The following PRR11 variants were observed in gnomAD, a reference collection of about 807,000 sequenced individuals.
PRR11 encodes the protein proline-rich protein 11.
Under a neutral mutation model 45.6 loss-of-function variants are expected in PRR11, and 30 were observed. The observed-to-expected ratio is 0.66, with a 90% CI of 0.49 to 0.89. The LOEUF (loss-of-function observed/expected upper bound fraction) is 0.89, where lower values mean the gene tolerates loss of function less well. Ranked by LOEUF, PRR11 falls within the 40% of genes least tolerant of loss-of-function variation. The pLI is 0.00. For missense variants in PRR11, 373 were observed against 424.8 expected (o/e 0.88, Z 1.07); for synonymous variants, 128 against 153.5 (o/e 0.83, Z 1.23).
At chr17:59,179,747 C>T in intron 2 of PRR11, 1 of 1,397,410 alleles carries the variant, frequency 7.2e-7, no homozygotes, top group South Asian at 1.1e-5. Flanking sequence ...CTCCGCCACC[C>T]AGGTCTCCTC....
rs1412639005 is a variant in PRR11, at chr17:59,205,917, G to A, written c.*4286G>A. On this transcript the variant is annotated 3_prime_UTR_variant, in exon 10 of 10. Coordinates refer to ENST00000262293, the MANE Select transcript of PRR11 (RefSeq NM_018304.4). ...TATATAAAAATTATCTGGGTGTGGT[G>A]GCATGTGCCTATAGTCTCAGCTTCT... 2.6e-5 allele frequency among the ~76,000 whole-genome samples: 4 copies of A among 151,774 alleles called. No homozygotes were observed. The highest frequency in any genetic ancestry group is 1.5e-5 in the Non-Finnish European group (1 of 67,972).
At chr17:59,156,986 G>T (rs1273825276) in intron 1 of PRR11, among the ~76,000 whole-genome samples, 1 of 152,160 alleles carries the variant, frequency 6.6e-6, no homozygotes, top group Non-Finnish European at 1.5e-5. Flanking sequence ...GCCAACTCCT[G>T]CAAAAGACTG....
At chr17:59,173,311 A>G (rs1599695057) in intron 2 of PRR11, among the ~76,000 whole-genome samples, 2 of 152,332 alleles carry the variant, frequency 1.3e-5, no homozygotes, top group East Asian at 3.9e-4. Context: ...TAAGAATAAA[A>G]GCAGGCTGCC....
At chr17:59,197,484 C>T (rs2046872176) in intron 7 of PRR11, 60 bp from the exon 8 acceptor site, 6 of 1,447,752 alleles carry the variant, frequency 4.1e-6, no homozygotes, top group African/African-American at 2.8e-5. Context: ...ATCTCCTGAC[C>T]TTGTGATCCA....
Position 59,205,573 on chromosome 17 carries a change from A to G in PRR11, c.*3942A>G, listed in dbSNP as rs1052733151. The stretch of plus-strand genomic sequence containing the variant: ...AAAAATTAGCCGGGCATAGTGGCAG[A>G]CACCTGTAATCCCAGCTACTGGGAA... On this transcript the variant is annotated 3_prime_UTR_variant, in exon 10 of 10. Coordinates refer to ENST00000262293, the MANE Select transcript of PRR11 (RefSeq NM_018304.4). Among the ~76,000 whole-genome samples the G allele has an allele frequency of 1.3e-5, 2 of 150,068 alleles. No homozygotes were observed. The highest frequency in any genetic ancestry group is 3.0e-5 in the Non-Finnish European group (2 of 67,662).
chr17:59,174,677 C>T (rs1353115754), intron 2 of PRR11, among the ~76,000 whole-genome samples: 2 of 152,082 alleles, frequency 1.3e-5, no homozygotes, highest in Non-Finnish European at 2.9e-5. Context: ...TTGGGTTCCT[C>T]GGATTTCCAA....
chr17:59,197,518 T>A, intron 7 of PRR11, 26 bp from the exon 8 acceptor site: 1 of 1,607,396 alleles, frequency 6.2e-7, no homozygotes, highest in Non-Finnish European at 8.5e-7. Flanking sequence ...CCCAAAGTTC[T>A]AATTTTTATA....
chr17:59,190,366 G>T (rs2147852418), intron 4 of PRR11, among the ~76,000 whole-genome samples: 1 of 152,118 alleles, frequency 6.6e-6, no homozygotes, highest in Middle Eastern at 3.4e-3. Context: ...CAGCTATTCG[G>T]GAGGCTGAGG....
At chr17:59,195,223 A>T (rs1490590596) in intron 6 of PRR11, 108 bp from the exon 7 acceptor site, 3 of 801,116 alleles carry the variant, frequency 3.7e-6, no homozygotes, top group Non-Finnish European at 6.2e-6. Flanking sequence ...AGCATACTGG[A>T]TATATCTTAC....
At chr17:59,179,125 G>C (rs970036172) in intron 2 of PRR11, among the ~76,000 whole-genome samples, 1 of 152,112 alleles carries the variant, frequency 6.6e-6, no homozygotes, top group Non-Finnish European at 1.5e-5. Context: ...TCAGTCCCCT[G>C]AGTAGCTGGG....
Position 59,201,870 on chromosome 17 carries a change from C to G in PRR11, c.*239C>G. On this transcript the variant is annotated 3_prime_UTR_variant, in exon 10 of 10. Coordinates refer to ENST00000262293, the MANE Select transcript of PRR11 (RefSeq NM_018304.4). ...CCTGTAATCCCAGCTATGCGGGAGG[C>G]TAAGGCAGGAGAATTGCTTGAACCC... is the stretch of plus-strand genomic sequence containing the variant. 2.3e-6 allele frequency: 1 copy of G among 433,548 alleles called. No homozygotes were observed. The highest frequency in any genetic ancestry group is 4.3e-6 in the Non-Finnish European group (1 of 234,376). The allele number at this position is 433,548 out of a possible 1,614,324, so 26.9% of individuals were successfully genotyped here. A position where few individuals can be genotyped will look rare whatever the true frequency, so the allele number is the denominator to read the frequency against.
In PRR11 at chr17:59,202,010, T is replaced by A. The variant is rs1053351490; in HGVS notation, c.*379T>A. ...AAAAACCCACCCAAATCCTTTTTTT[T>A]AATGTAGTAGGGTTTATATAGATAT... On this transcript the variant is annotated 3_prime_UTR_variant, in exon 10 of 10. Coordinates refer to ENST00000262293, the MANE Select transcript of PRR11 (RefSeq NM_018304.4). 1 of 227,830 alleles carries A rather than the reference T, an allele frequency of 4.4e-6. No individual in the cohort carries two copies. Among genetic ancestry groups the A allele is most frequent in the Admixed American group, 5.0e-5 (1 of 19,810 alleles). The allele number at this position is 227,830 out of a possible 1,614,324, so 14.1% of individuals were successfully genotyped here. A position where few individuals can be genotyped will look rare whatever the true frequency, so the allele number is the denominator to read the frequency against.
At chr17:59,198,887 A>G (rs2046879358) in intron 9 of PRR11, among the ~76,000 whole-genome samples, 2 of 152,116 alleles carry the variant, frequency 1.3e-5, no homozygotes, top group South Asian at 4.1e-4. Flanking sequence ...CTATCTGTAA[A>G]TGTCTGATTT....
In PRR11 at chr17:59,191,212, CTTTTTTTCT is replaced by C. The variant is rs1160253036; in HGVS notation, c.403-2272_403-2264del. On this transcript the variant is annotated intron_variant, in intron 4 of 9. Coordinates refer to ENST00000262293, the MANE Select transcript of PRR11 (RefSeq NM_018304.4). Reference sequence around the variant, plus strand: ...ATACTCCATGTTTCTTTCTTTTTTTCTTTTTTTCTTTTTTTTTTTTTTTTGAGACAGAAT... The same window carrying C: ...ATACTCCATGTTTCTTTCTTTTTTTCTTTTTTTTTTTTTTTGAGACAGAAT... Among the ~76,000 whole-genome samples the C allele has an allele frequency of 7.0e-3, 736 of 105,202 alleles. 3 individuals carry two copies. The highest frequency in any genetic ancestry group is 0.025 in the African/African-American group (635 of 25,886). 69.0% of individuals were successfully genotyped at this position (105,202 alleles called of 152,430 possible).
intron 2 of PRR11, among the ~76,000 whole-genome samples, chr17:59,170,239 C>T (rs954104827): frequency 3.3e-5 from 5 of 151,186 alleles, no homozygotes; most frequent in Admixed American, 6.6e-5. Flanking sequence ...GCAACAAGAG[C>T]GAGACTCCCT....
intron 1 of PRR11, among the ~76,000 whole-genome samples, chr17:59,167,539 A>C (rs1159486776): frequency 6.6e-6 from 1 of 152,202 alleles, no homozygotes; most frequent in Non-Finnish European, 1.5e-5. Flanking sequence ...AAAGTAAAGG[A>C]ATAAAAAAAT....
intron 4 of PRR11, among the ~76,000 whole-genome samples, 185 bp from the exon 5 acceptor site, chr17:59,193,307 A>G (rs2046848206): frequency 6.6e-6 from 1 of 152,232 alleles, no homozygotes; most frequent in African/African-American, 2.4e-5. Context: ...CCTGGCATAT[A>G]GCACATACAA....
chr17:59,172,786 G>A (rs576599194), intron 2 of PRR11, among the ~76,000 whole-genome samples: 10 of 152,368 alleles, frequency 6.6e-5, no homozygotes, highest in Admixed American at 1.3e-4. Context: ...CCTGCAGCCC[G>A]CCATGCCTGA....
intron 1 of PRR11, among the ~76,000 whole-genome samples, chr17:59,156,069 A>G (rs2046621850): frequency 1.3e-5 from 2 of 152,172 alleles, no homozygotes; most frequent in South Asian, 2.1e-4. Flanking sequence ...ATTTCTTTAC[A>G]TATTTGCTGC....
Sources: allele counts gnomAD v4.1 joint callset (sites outside exome capture counted in the v4.1 genomes callset), GRCh38; gene constraint gnomAD v4.1.1; transcripts MANE v1.5; gene names NCBI Gene and HGNC (gene_info 2026-07-23, HGNC 2026-07-21).